Variants in EPM2A observed in about 807,000 individuals in gnomAD.
EPM2A encodes the protein EPM2A glucan phosphatase, laforin, also known as laforin.
In EPM2A, 21 loss-of-function variants were observed where a neutral mutation model predicts 26.5. The observed-to-expected ratio is 0.79, with a 90% CI of 0.56 to 1.14. The LOEUF (loss-of-function observed/expected upper bound fraction) is 1.14. Ranked by LOEUF, EPM2A falls within the 50% of genes most tolerant of loss-of-function variation. The probability of loss-of-function intolerance (pLI) is 0.00; values close to 1 mark genes in which losing one functional copy is unlikely to be tolerated. For missense variants in EPM2A, 458 were observed against 440.8 expected (o/e 1.04, Z -0.35); for synonymous variants, 217 against 177.6 (o/e 1.22, Z -1.76).
chr6:145,724,658 C>T (rs1776104430), intron 1 of EPM2A, among the ~76,000 whole-genome samples: 1 of 151,836 alleles, frequency 6.6e-6, no homozygotes, highest in Non-Finnish European at 1.5e-5. Flanking sequence ...TTCAAAAAAA[C>T]CAGACATATA....
At chr6:145,519,783 C>T (rs766293962) in intron 2 of EPM2A, among the ~76,000 whole-genome samples, 1 of 152,050 alleles carries the variant, frequency 6.6e-6, no homozygotes, top group Non-Finnish European at 1.5e-5. Flanking sequence ...AGGTAGGTTC[C>T]AAGTTGACAT....
chr6:145,616,409 G>A (rs62438247), intron 2 of EPM2A, among the ~76,000 whole-genome samples: 5,858 of 152,362 alleles, frequency 0.038, 174 homozygotes, highest in Admixed American at 0.098. Context: ...GTAGAGGTGT[G>A]CTGCAGGGGC....
At chr6:145,710,541 A>G (rs996687038) in intron 1 of EPM2A, among the ~76,000 whole-genome samples, 1 of 152,204 alleles carries the variant, frequency 6.6e-6, no homozygotes, top group African/African-American at 2.4e-5. Flanking sequence ...AACTAGTTCA[A>G]CCCTTGTGGA....
chr6:145,454,725 G>A (rs1779238193), intron 4 of EPM2A, among the ~76,000 whole-genome samples: 1 of 152,168 alleles, frequency 6.6e-6, no homozygotes, highest in Non-Finnish European at 1.5e-5. Flanking sequence ...CTACCTGGGT[G>A]ATTCACACAG....
At chr6:145,450,899 T>C (rs1779187955) in intron 4 of EPM2A, among the ~76,000 whole-genome samples, 1 of 152,136 alleles carries the variant, frequency 6.6e-6, no homozygotes, top group Non-Finnish European at 1.5e-5. Context: ...TGTCTTTTTT[T>C]TTTCTTTTTT....
At chr6:145,577,795 T>G (rs977317655) in intron 2 of EPM2A, among the ~76,000 whole-genome samples, 3 of 152,058 alleles carry the variant, frequency 2.0e-5, no homozygotes, top group Non-Finnish European at 2.9e-5. Context: ...GACCATCTGT[T>G]AAAGCATAAA....
chr6:145,426,219 T>G (rs1288747636), intron 4 of EPM2A, among the ~76,000 whole-genome samples: 1 of 152,166 alleles, frequency 6.6e-6, no homozygotes, highest in African/African-American at 2.4e-5. Flanking sequence ...CATCACTTTT[T>G]CCTCCTTATT....
intron 4 of EPM2A, among the ~76,000 whole-genome samples, chr6:145,419,624 A>C (rs1294134956): frequency 6.6e-6 from 1 of 152,200 alleles, no homozygotes; most frequent in East Asian, 1.9e-4. Context: ...CATTTGGAAA[A>C]GAAAAAACTT....
At chr6:145,647,079 C>G (rs1777528937) in intron 2 of EPM2A, among the ~76,000 whole-genome samples, 1 of 152,226 alleles carries the variant, frequency 6.6e-6, no homozygotes, top group South Asian at 2.1e-4. Flanking sequence ...ACCTCCCAGT[C>G]TGTCTCCCTT....
rs369997072 is a variant in EPM2A, at chr6:145,416,325, CTA to C, written c.556-32230_556-32229del. 9.3e-5 allele frequency among the ~76,000 whole-genome samples: 14 copies of C among 150,882 alleles called. 1 individual carries two copies. Among genetic ancestry groups the C allele is most frequent in the African/African-American group, 3.4e-4 (14 of 41,152 alleles). On this transcript the variant is annotated intron_variant, in intron 4 of 4. Transcript: ENST00000638717. ...GTTTGTGATTATCTTAAACACAGAA[CTA>C]TGTTAGTTGATGCCCAATCTCACAA...
chr6:145,416,264 T>A (rs955489020), intron 4 of EPM2A, among the ~76,000 whole-genome samples: 3 of 151,654 alleles, frequency 2.0e-5, no homozygotes, highest in African/African-American at 4.8e-5. Context: ...TTTTTTTTTT[T>A]AATGCAGATT....
At chr6:145,462,306 G>T (rs1050027380) in intron 4 of EPM2A, among the ~76,000 whole-genome samples, 1 of 152,162 alleles carries the variant, frequency 6.6e-6, no homozygotes, top group South Asian at 2.1e-4. Flanking sequence ...TTTGCATGTT[G>T]CAGGGGAGTG....
At chr6:145,581,204 T>C (rs1178644521) in intron 2 of EPM2A, among the ~76,000 whole-genome samples, 1 of 152,204 alleles carries the variant, frequency 6.6e-6, no homozygotes, top group Non-Finnish European at 1.5e-5. Flanking sequence ...TTCCGACTGG[T>C]GCAAGATGGT....
intron 2 of EPM2A, among the ~76,000 whole-genome samples, chr6:145,596,847 C>T (rs1487556733): frequency 7.5e-6 from 1 of 132,672 alleles, no homozygotes; most frequent in Non-Finnish European, 1.6e-5. Flanking sequence ...TCTTTACTTT[C>T]TTCTACGTTG....
intron 2 of EPM2A, among the ~76,000 whole-genome samples, chr6:145,670,053 T>C (rs1779531605): frequency 6.6e-6 from 1 of 152,196 alleles, no homozygotes; most frequent in Non-Finnish European, 1.5e-5. Flanking sequence ...TCGTTTATTC[T>C]CCTGGTTCGG....
chr6:145,394,080 C>G (rs187565535), intron 4 of EPM2A, among the ~76,000 whole-genome samples: 1 of 152,128 alleles, frequency 6.6e-6, no homozygotes, highest in Non-Finnish European at 1.5e-5. Flanking sequence ...GCCTCACCCT[C>G]CCAAAGTGCT....
At chr6:145,598,528 G>T (rs1781377911) in intron 2 of EPM2A, among the ~76,000 whole-genome samples, 1 of 152,140 alleles carries the variant, frequency 6.6e-6, no homozygotes, top group South Asian at 2.1e-4. Flanking sequence ...TGCATAGTTT[G>T]CAAATATTTT....
chr6:145,489,798 G>T, intron 4 of EPM2A: 1 of 1,430,894 alleles, frequency 7.0e-7, no homozygotes, highest in Non-Finnish European at 9.8e-7. Context: ...AGATTTCTGG[G>T]GTCACGTGGT....
At chr6:145,610,080 T>A (rs1049729599) in intron 2 of EPM2A, among the ~76,000 whole-genome samples, 4 of 152,098 alleles carry the variant, frequency 2.6e-5, no homozygotes, top group African/African-American at 9.7e-5. Flanking sequence ...CGGGGCCTGG[T>A]GGCACGCGCC....
Sources: allele counts gnomAD v4.1 joint callset (sites outside exome capture counted in the v4.1 genomes callset), GRCh38; gene constraint gnomAD v4.1.1; transcripts MANE v1.5; gene names NCBI Gene and HGNC (gene_info 2026-07-23, HGNC 2026-07-21).